The following ABLIM3 variants were observed in gnomAD, a reference collection of about 807,000 sequenced individuals.
ABLIM3 encodes actin-binding LIM protein 3.
Under a neutral mutation model 109.5 loss-of-function variants are expected in ABLIM3, and 61 were observed. The observed-to-expected ratio is 0.56, with a 90% confidence interval of 0.45 to 0.69. The LOEUF (loss-of-function observed/expected upper bound fraction) is 0.69. Among genes scored for constraint, ABLIM3 ranks in the 30% least tolerant of loss-of-function variants. The pLI, the probability that ABLIM3 is intolerant of heterozygous loss-of-function variation, is 0.00. For missense variants in ABLIM3, 796 were observed against 889.5 expected (o/e 0.89, Z 1.34); for synonymous variants, 300 against 324.8 (o/e 0.92, Z 0.82).
chr5:149,223,632 C>T (rs1417803065), intron 8 of ABLIM3, among the ~76,000 whole-genome samples: 11 of 152,194 alleles, frequency 7.2e-5, no homozygotes, highest in Non-Finnish European at 1.6e-4. Flanking sequence ...CTCTCCTGCC[C>T]AGACTGGCTG....
At chr5:149,155,528 T>C (rs1753801332) in intron 2 of ABLIM3, among the ~76,000 whole-genome samples, 3 of 152,142 alleles carry the variant, frequency 2.0e-5, no homozygotes, top group Admixed American at 6.5e-5. Context: ...CTGGAAGGCC[T>C]GGGAATGCTT....
intron 7 of ABLIM3, 135 bp from the exon 8 acceptor site, chr5:149,216,823 TG>T (rs1284471496): frequency 1.4e-6 from 1 of 721,252 alleles, no homozygotes; most frequent in Non-Finnish European, 2.4e-6. Flanking sequence ...TGGACTCCCT[TG>T]GGTAGCTCCA....
At chr5:149,183,362 T>C in intron 2 of ABLIM3, 90 bp from the exon 3 acceptor site, 1 of 1,402,158 alleles carries the variant, frequency 7.1e-7, no homozygotes. Context: ...CTTCCACTTT[T>C]TCTTCCAGCT....
intron 2 of ABLIM3, among the ~76,000 whole-genome samples, chr5:149,153,322 C>T (rs1227212202): frequency 6.6e-6 from 1 of 152,188 alleles, no homozygotes; most frequent in Non-Finnish European, 1.5e-5. Context: ...CTCCACTCTC[C>T]TGTGTTCCAT....
rs1236544987 is a variant in ABLIM3, at chr5:149,259,644, C to T, written c.*1240C>T. On this transcript the variant is annotated 3_prime_UTR_variant, in exon 24 of 24. Transcript: ENST00000309868. The stretch of plus-strand genomic sequence containing the variant: ...TGGATTTTCCCAGTGGCTTCCCTTC[C>T]TGCTCGCCTCCCTGAACAGGGGAGA... The T allele has an allele frequency of 6.8e-7, 1 of 1,478,872 alleles. No homozygotes were observed. Among genetic ancestry groups the T allele is most frequent in the African/African-American group, 1.4e-5 (1 of 71,880 alleles). 91.6% of individuals were successfully genotyped at this position (1,478,872 alleles called of 1,614,324 possible).
chr5:149,208,334 CTCTA>C lies in ABLIM3; in HGVS notation c.575+1208_575+1211del, dbSNP rs780927376. ...TAGTACTTCAGAAGTCTCTGTCTTT[CTCTA>C]TCTATCTTTTTGTCTCTCTCTCTCT... On this transcript the variant is annotated intron_variant, in intron 6 of 23. Transcript: ENST00000309868. 7.4e-3 allele frequency among the ~76,000 whole-genome samples: 1,122 copies of C among 151,718 alleles called. 11 individuals carry two copies. The highest frequency in any genetic ancestry group is 0.011 in the Non-Finnish European group (761 of 67,940).
intron 22 of ABLIM3, 169 bp from the exon 23 acceptor site, chr5:149,252,588 G>T (rs183428897): frequency 1.8e-5 from 11 of 611,232 alleles, no homozygotes; most frequent in Middle Eastern, 4.5e-4. Flanking sequence ...TTGAGAGAAG[G>T]TATCTTAAGA....
At chr5:149,245,776 G>T (rs751920638) in intron 16 of ABLIM3, among the ~76,000 whole-genome samples, 58 of 152,104 alleles carry the variant, frequency 3.8e-4, no homozygotes, top group Non-Finnish European at 7.2e-4. Flanking sequence ...TCAAGTATGG[G>T]GGGAAATTTT....
At chr5:149,206,748 A>G (rs529674677) in intron 5 of ABLIM3, among the ~76,000 whole-genome samples, 1 of 152,238 alleles carries the variant, frequency 6.6e-6, no homozygotes, top group South Asian at 2.1e-4. Context: ...TGCAGGGTCC[A>G]CTTTCAGTGA....
intron 2 of ABLIM3, among the ~76,000 whole-genome samples, chr5:149,145,792 CT>C (rs34095459): frequency 1.3e-3 from 186 of 147,634 alleles, no homozygotes; most frequent in African/African-American, 3.2e-3. Context: ...ACGTGTATGT[CT>C]TTTTTTTTTT....
chr5:149,199,117 G>C (rs1432655566), intron 4 of ABLIM3: 2 of 456,510 alleles, frequency 4.4e-6, no homozygotes, highest in Non-Finnish European at 8.8e-6. Context: ...TGTTAATTCA[G>C]CAAGTGTACG....
chr5:149,217,152 T>C lies in ABLIM3; in HGVS notation c.757+106T>C, dbSNP rs1760178986. On this transcript the variant is annotated intron_variant, in intron 8 of 23. Coordinates refer to ENST00000309868, the MANE Select transcript of ABLIM3 (RefSeq NM_014945.5). ...TCTTGGCTTCAGGTTCAGTGTTATC[T>C]TGGCTTTTGCCTTGTCCTCAGAATT... is the stretch of plus-strand genomic sequence containing the variant. 4 of 1,145,282 alleles carry C rather than the reference T, an allele frequency of 3.5e-6. No homozygotes were observed. The Admixed American group carries it at 6.0e-5, about 17-fold the overall frequency. 70.9% of individuals were successfully genotyped at this position (1,145,282 alleles called of 1,614,324 possible). A position where few individuals can be genotyped will look rare whatever the true frequency, so the allele number is the denominator to read the frequency against.
chr5:149,162,197 T>C (rs1363976375), intron 2 of ABLIM3, among the ~76,000 whole-genome samples: 1 of 152,184 alleles, frequency 6.6e-6, no homozygotes, highest in African/African-American at 2.4e-5. Flanking sequence ...TTTGAATTGC[T>C]TTTTTTATTA....
At chr5:149,233,124 A>T in intron 9 of ABLIM3, 105 bp from the exon 10 acceptor site, 1 of 953,034 alleles carries the variant, frequency 1.0e-6, no homozygotes, top group Non-Finnish European at 1.7e-6. Context: ...GCCAGAGAGT[A>T]CTTTAATGGT....
intron 3 of ABLIM3, among the ~76,000 whole-genome samples, chr5:149,195,596 T>G (rs1581101607): frequency 6.7e-6 from 1 of 149,478 alleles, no homozygotes; most frequent in African/African-American, 2.5e-5. Context: ...GCTCTGGGGG[T>G]GGAGTTGGCA....
At chr5:149,201,984 G>A (rs1758536270) in intron 5 of ABLIM3, among the ~76,000 whole-genome samples, 1 of 152,228 alleles carries the variant, frequency 6.6e-6, no homozygotes, top group Admixed American at 6.5e-5. Flanking sequence ...AAATGTATTA[G>A]TTCAGGGATC....
At chr5:149,253,542 T>C (rs1229675113) in intron 23 of ABLIM3, among the ~76,000 whole-genome samples, 11 of 152,150 alleles carry the variant, frequency 7.2e-5, no homozygotes, top group Admixed American at 5.9e-4. Context: ...CAATGAACAT[T>C]AGATTACTGT....
At chr5:149,253,290 C>CT (rs1344026716) in intron 23 of ABLIM3, among the ~76,000 whole-genome samples, 1 of 152,116 alleles carries the variant, frequency 6.6e-6, no homozygotes, top group African/African-American at 2.4e-5. Context: ...GGAGGCAGCA[C>CT]TATGTGGAAG....
intron 2 of ABLIM3, among the ~76,000 whole-genome samples, chr5:149,148,795 A>G (rs761501627): frequency 1.3e-5 from 2 of 152,036 alleles, no homozygotes; most frequent in Non-Finnish European, 2.9e-5. Context: ...ATTCCCTCTA[A>G]GGGTTTGCTC....
Sources: allele counts gnomAD v4.1 joint callset (sites outside exome capture counted in the v4.1 genomes callset), GRCh38; gene constraint gnomAD v4.1.1; transcripts MANE v1.5; gene names NCBI Gene and HGNC (gene_info 2026-07-23, HGNC 2026-07-21).